The following PTPN11 variants were observed in gnomAD, a reference collection of about 807,000 sequenced individuals.
The protein encoded by PTPN11 is protein tyrosine phosphatase non-receptor type 11.
A neutral mutation model predicts 78.8 loss-of-function variants in PTPN11; 6 were observed. That is an observed-to-expected ratio of 0.08 (90% CI 0.04 to 0.15). The LOEUF (loss-of-function observed/expected upper bound fraction) is 0.15. Ranked by LOEUF, PTPN11 falls within the 10% of genes least tolerant of loss-of-function variation. The probability of loss-of-function intolerance (pLI) is 1.00; values close to 1 mark genes in which losing one functional copy is unlikely to be tolerated. For missense variants in PTPN11, 386 were observed against 744.8 expected (o/e 0.52, Z 5.61); for synonymous variants, 221 against 263.5 (o/e 0.84, Z 1.56).
chr12:112,455,419 G>A (rs11066312), intron 5 of PTPN11, among the ~76,000 whole-genome samples: 1 of 151,756 alleles, frequency 6.6e-6, no homozygotes, highest in Non-Finnish European at 1.5e-5. Context: ...ATTTTTAGTA[G>A]AGATGGGGTT....
chr12:112,482,220 G>A lies in PTPN11; in HGVS notation c.1224+15G>A, dbSNP rs373271861. ...AGGTTGGACAAGTAAGTATATTGTC[G>A]TATTCTAGAGACTTTGGGAACTGTT... On this transcript the variant is annotated intron_variant, in intron 10 of 15. Transcript: ENST00000351677. The surrounding 1 kb of genome is among the most constrained non-coding windows in gnomAD (Gnocchi z 4.4). 114 of 1,610,290 alleles carry A rather than the reference G, an allele frequency of 7.1e-5. No homozygotes were observed. The highest frequency in any genetic ancestry group is 1.6e-4 in the Middle Eastern group (1 of 6,062).
At chr12:112,423,740 C>CTTTTTTTTT (rs1238357055) in intron 1 of PTPN11, among the ~76,000 whole-genome samples, 1 of 110,690 alleles carries the variant, frequency 9.0e-6, no homozygotes, top group African/African-American at 3.6e-5. Flanking sequence ...CATACAATGT[C>CTTTTTTTTT]TTTTTTTTTT....
In PTPN11 at chr12:112,509,494, CAA is replaced by C. The variant is rs2038975429; in HGVS notation, c.*3703_*3704del. 6.6e-6 allele frequency: 1 copy of C among 152,532 alleles called. No homozygotes were observed. The highest frequency in any genetic ancestry group is 2.1e-4 in the South Asian group (1 of 4,820). The allele number at this position is 152,532 out of a possible 1,614,324, so 9.4% of individuals were successfully genotyped here. On this transcript the variant is annotated 3_prime_UTR_variant, in exon 16 of 16. Transcript: ENST00000351677. ...CTGATTAAGCTGATGACTAGACCTA[CAA>C]TTAATTTTCCTGCAGTATATGAAGT...
chr12:112,429,434 G>A (rs979923599), intron 1 of PTPN11, among the ~76,000 whole-genome samples: 3 of 150,918 alleles, frequency 2.0e-5, no homozygotes, highest in Non-Finnish European at 2.9e-5. Flanking sequence ...TGATCTGGAT[G>A]GATGTAGGTG....
At chr12:112,426,674 G>C (rs954896346) in intron 1 of PTPN11, among the ~76,000 whole-genome samples, 1 of 152,034 alleles carries the variant, frequency 6.6e-6, no homozygotes, top group East Asian at 1.9e-4. Context: ...AATAGGCCCT[G>C]GAGCTTATTT....
intron 1 of PTPN11, among the ~76,000 whole-genome samples, chr12:112,440,949 A>G (rs1411108585): frequency 1.4e-5 from 2 of 141,930 alleles, no homozygotes; most frequent in Non-Finnish European, 3.1e-5. Context: ...GAGCTTTACG[A>G]TTTTTCTTTT....
intron 6 of PTPN11, among the ~76,000 whole-genome samples, chr12:112,469,494 C>G (rs1331132488): frequency 6.6e-6 from 1 of 151,924 alleles, no homozygotes; most frequent in Non-Finnish European, 1.5e-5. Context: ...AAAATTTGTG[C>G]AAGTAAGGGC....
At chr12:112,433,372 C>T (rs74540768) in intron 1 of PTPN11, among the ~76,000 whole-genome samples, 76 of 152,274 alleles carry the variant, frequency 5.0e-4, no homozygotes, top group Non-Finnish European at 8.2e-4. Context: ...TGTGTAAGTA[C>T]GCTCCATGAT....
chr12:112,488,900 A>G (rs775010300), intron 12 of PTPN11, 124 bp from the exon 13 acceptor site: 6 of 1,349,556 alleles, frequency 4.4e-6, no homozygotes, highest in African/African-American at 1.4e-5. Flanking sequence ...CCATTGCAAC[A>G]TGCTCAGTTA....
chr12:112,424,331 A>G (rs917522852), intron 1 of PTPN11, among the ~76,000 whole-genome samples: 4 of 152,166 alleles, frequency 2.6e-5, no homozygotes, highest in Admixed American at 6.6e-5. Context: ...CCACATAGGG[A>G]TTCTTAATGT....
chr12:112,462,583 T>C (rs1047330531), intron 6 of PTPN11, among the ~76,000 whole-genome samples: 1 of 152,236 alleles, frequency 6.6e-6, no homozygotes, highest in Non-Finnish European at 1.5e-5. Context: ...TCCTTTCCTA[T>C]GTTTTAGCCA....
intron 11 of PTPN11, 81 bp downstream of exon 11, chr12:112,486,710 C>G: frequency 6.4e-7 from 1 of 1,573,952 alleles, no homozygotes; most frequent in Non-Finnish European, 8.6e-7. Context: ...CTACCCACTC[C>G]TAGCTCTTTA....
At chr12:112,449,162 C>T (rs967490496) in intron 2 of PTPN11, among the ~76,000 whole-genome samples, 3 of 148,388 alleles carry the variant, frequency 2.0e-5, no homozygotes, top group African/African-American at 4.9e-5. Flanking sequence ...GCTGGGATTA[C>T]AGACGTGAGC....
intron 10 of PTPN11, among the ~76,000 whole-genome samples, chr12:112,485,719 G>T (rs759879505): frequency 2.0e-5 from 3 of 152,182 alleles, no homozygotes; most frequent in African/African-American, 4.8e-5. Flanking sequence ...GCTCACGCCT[G>T]TAATCCCAGC....
intron 13 of PTPN11, among the ~76,000 whole-genome samples, chr12:112,496,077 C>T (rs1448161101): frequency 6.6e-6 from 1 of 152,140 alleles, no homozygotes; most frequent in East Asian, 1.9e-4. Flanking sequence ...ATTTAGAATC[C>T]TTTTGTAAGA....
chr12:112,451,242 T>C (rs139090081), intron 3 of PTPN11, among the ~76,000 whole-genome samples: 160 of 152,338 alleles, frequency 1.1e-3, no homozygotes, highest in African/African-American at 3.6e-3. Context: ...TATGTGCTGA[T>C]AATTTGTTTC....
chr12:112,489,300 C>T (rs2038718002), intron 13 of PTPN11, 125 bp downstream of exon 13: 1 of 1,166,276 alleles, frequency 8.6e-7, no homozygotes, highest in African/African-American at 1.5e-5. Context: ...GGGAAACAAA[C>T]TCCCAACTAA....
chr12:112,459,922 C>T (rs780798343), intron 6 of PTPN11, among the ~76,000 whole-genome samples: 5 of 151,754 alleles, frequency 3.3e-5, no homozygotes, highest in Non-Finnish European at 5.9e-5. Context: ...CACACACACA[C>T]ACACACACAC....
At chr12:112,443,719 C>T (rs1015564419) in intron 1 of PTPN11, among the ~76,000 whole-genome samples, 15 of 145,606 alleles carry the variant, frequency 1.0e-4, no homozygotes, top group Admixed American at 2.1e-4. Context: ...GTGGTATGAT[C>T]TTGGCTCACT....
Sources: gnomAD v4.1 joint callset for allele counts (sites outside exome capture counted in the v4.1 genomes callset) on GRCh38, gnomAD v4.1.1 for gene constraint, Gnocchi (gnomAD v3.1) non-coding constraint, MANE v1.5 for transcripts, NCBI Gene and HGNC (gene_info 2026-07-23, HGNC 2026-07-21) for gene names.